The following INSL6 variants were observed in gnomAD, a reference collection of about 807,000 sequenced individuals.
INSL6 encodes the protein insulin like 6, also known as insulin-like peptide INSL6.
In INSL6, 16 loss-of-function variants were observed where a neutral mutation model predicts 9.4. The observed-to-expected ratio is 1.70, with a 90% CI of 1.15 to 2.59. The LOEUF (loss-of-function observed/expected upper bound fraction) is 2.59, where lower values mean the gene tolerates loss of function less well. Among genes scored for constraint, INSL6 ranks in the 30% most tolerant of loss-of-function variants. INSL6 has a pLI of 0.00. For synonymous variants in INSL6, 154 were observed against 96.9 expected (o/e 1.59, Z -3.46); for missense variants, 391 against 257.3 (o/e 1.52, Z -3.56).
the INSL6 span, among the ~76,000 whole-genome samples, chr9:5,096,502 G>C: frequency 2.0e-5 from 3 of 152,150 alleles, no homozygotes; most frequent in African/African-American, 7.2e-5. Context: ...CCATGTGGGG[G>C]GAGGGTGGTA....
At chr9:5,025,160 GAGA>G in the INSL6 span, among the ~76,000 whole-genome samples, 3 of 151,082 alleles carry the variant, frequency 2.0e-5, no homozygotes, top group African/African-American at 7.4e-5. Context: ...CTGTTTCTGG[GAGA>G]AGGATAGGTC....
At chr9:5,172,280 C>T (rs1825199092) in intron 1 of INSL6, among the ~76,000 whole-genome samples, 1 of 151,510 alleles carries the variant, frequency 6.6e-6, no homozygotes, top group South Asian at 2.1e-4. Context: ...AGAACTGGAC[C>T]ACTTCCCTAC....
intron 2 of INSL6, among the ~76,000 whole-genome samples, chr9:5,137,617 A>T (rs1824410409): frequency 6.6e-6 from 1 of 152,188 alleles, no homozygotes; most frequent in African/African-American, 2.4e-5. Context: ...TAAATATAAG[A>T]CCTAAATCCA....
At chr9:5,001,441 C>T in the INSL6 span, among the ~76,000 whole-genome samples, 9 of 152,152 alleles carry the variant, frequency 5.9e-5, no homozygotes, top group East Asian at 9.7e-4. Flanking sequence ...ACAATTGGGA[C>T]GATCTTATGG....
At chr9:5,045,543 A>T in the INSL6 span, among the ~76,000 whole-genome samples, 1 of 152,192 alleles carries the variant, frequency 6.6e-6, no homozygotes, top group Admixed American at 6.5e-5. Context: ...CCAAATGGAA[A>T]CTTCATACCC....
the INSL6 span, among the ~76,000 whole-genome samples, chr9:5,057,964 G>T: frequency 6.6e-6 from 1 of 151,934 alleles, no homozygotes; most frequent in African/African-American, 2.4e-5. Flanking sequence ...TTTGTGACAG[G>T]CTTATTTCAG....
In INSL6 at chr9:5,163,974, G is replaced by A; in HGVS notation, c.581C>T (p.Pro194Leu). 1 of 1,611,622 alleles carries A rather than the reference G, an allele frequency of 6.2e-7. No homozygotes were observed. Among genetic ancestry groups the A allele is most frequent in the Non-Finnish European group, 8.5e-7 (1 of 1,179,518 alleles). ...TKEELSIACLPYIDFKRLKEK... is the reference protein window; with the variant it reads ...TKEELSIACLLYIDFKRLKEK... The stretch of plus-strand genomic sequence containing the variant: ...CTTTAGCCTTTTAAAATCAATATAT[G>A]GAAGACATGCAATGCTAAGTTCTTC... The change falls in exon 2 of 2, where the codon CCA becomes CTA. Residue 194 changes from proline (P) to leucine (L), a missense_variant. Coordinates refer to ENST00000381641, the MANE Select transcript of INSL6 (RefSeq NM_007179.3).
At chr9:5,049,162 T>C in the INSL6 span, among the ~76,000 whole-genome samples, 633 of 152,300 alleles carry the variant, frequency 4.2e-3, 4 homozygotes, top group African/African-American at 0.015. Context: ...ATCTGAGCCA[T>C]ACACCAGCCT....
chr9:5,046,212 C>G, the INSL6 span, among the ~76,000 whole-genome samples: 6 of 152,188 alleles, frequency 3.9e-5, no homozygotes, highest in African/African-American at 1.4e-4. Flanking sequence ...ATTTGTTTAT[C>G]TTCTTTGCAG....
At chr9:5,170,342 T>C (rs183726842) in intron 1 of INSL6, among the ~76,000 whole-genome samples, 6 of 152,206 alleles carry the variant, frequency 3.9e-5, no homozygotes, top group African/African-American at 7.2e-5. Flanking sequence ...CTCTGGGACA[T>C]AGCTAAAGCA....
intron 1 of INSL6, among the ~76,000 whole-genome samples, chr9:5,177,450 C>A (rs1825335678): frequency 6.6e-6 from 1 of 152,180 alleles, no homozygotes; most frequent in Non-Finnish European, 1.5e-5. Flanking sequence ...GCCACTAGGG[C>A]CTTGGGTTCG....
the INSL6 span, among the ~76,000 whole-genome samples, chr9:5,024,987 G>A: frequency 1.3e-5 from 2 of 152,180 alleles, no homozygotes; most frequent in African/African-American, 4.8e-5. Flanking sequence ...GGACATGGGC[G>A]TAGTGGGTGG....
chr9:5,058,143 G>C, the INSL6 span, among the ~76,000 whole-genome samples: 1 of 152,148 alleles, frequency 6.6e-6, no homozygotes, highest in Non-Finnish European at 1.5e-5. Context: ...TAATGCTGCT[G>C]TGAACATGGG....
intron 1 of INSL6, among the ~76,000 whole-genome samples, chr9:5,179,654 C>T (rs1825400323): frequency 6.6e-6 from 1 of 152,184 alleles, no homozygotes; most frequent in South Asian, 2.1e-4. Context: ...CCATGGAATA[C>T]TATGCAGCTA....
At chr9:5,032,477 C>A in the INSL6 span, among the ~76,000 whole-genome samples, 1 of 152,238 alleles carries the variant, frequency 6.6e-6, no homozygotes. Context: ...CCCGAGTAGC[C>A]TAACTGGGAG....
the INSL6 span, chr9:5,041,972 G>A: frequency 5.4e-6 from 2 of 371,604 alleles, no homozygotes; most frequent in East Asian, 1.4e-4. Flanking sequence ...GCCCCTTGGG[G>A]AGCGAGCTTG....
At chr9:4,996,446 C>G in the INSL6 span, among the ~76,000 whole-genome samples, 1 of 151,482 alleles carries the variant, frequency 6.6e-6, no homozygotes, top group Non-Finnish European at 1.5e-5. Context: ...GAAACTCTGT[C>G]TCAAAAAATA....
At chr9:4,995,097 G>C in the INSL6 span, among the ~76,000 whole-genome samples, 468 of 152,304 alleles carry the variant, frequency 3.1e-3, 3 homozygotes, top group South Asian at 0.01. Flanking sequence ...TGTGTTTTCA[G>C]ATGACTTGAT....
the INSL6 span, among the ~76,000 whole-genome samples, chr9:5,064,235 T>C: frequency 6.6e-6 from 1 of 152,102 alleles, no homozygotes; most frequent in Non-Finnish European, 1.5e-5. Context: ...TAGCAGTATG[T>C]AATTGGTATG....
Sources: allele counts gnomAD v4.1 joint callset (sites outside exome capture counted in the v4.1 genomes callset), GRCh38; gene constraint gnomAD v4.1.1; transcripts MANE v1.5; gene names NCBI Gene and HGNC (gene_info 2026-07-23, HGNC 2026-07-21).